Variants in GALNT14 observed in about 807,000 individuals in gnomAD.
GALNT14 encodes UDP-GalNAc:polypeptide N-acetylgalactosaminyltransferase 14.
GALNT14 carries 60 observed loss-of-function variants against 77.5 expected under a neutral mutation model. That is an observed-to-expected ratio of 0.77 (90% CI 0.63 to 0.96). GALNT14 has a LOEUF of 0.96. Ranked by LOEUF, GALNT14 falls within the 40% of genes least tolerant of loss-of-function variation. The pLI, the probability that GALNT14 is intolerant of heterozygous loss-of-function variation, is 0.00. For missense variants in GALNT14, 710 were observed against 731.0 expected, an observed-to-expected ratio of 0.97 and a Z score of 0.33; for synonymous variants, 280 against 281.7, an observed-to-expected ratio of 0.99 and a Z score of 0.06.
At chr2:30,887,497 C>G in the GALNT14 span, among the ~76,000 whole-genome samples, 2 of 152,022 alleles carry the variant, frequency 1.3e-5, no homozygotes, top group Non-Finnish European at 2.9e-5. Flanking sequence ...TTTCCATGTG[C>G]TTTTTGGCCA....
chr2:30,904,568 G>A, the GALNT14 span, among the ~76,000 whole-genome samples: 24 of 152,202 alleles, frequency 1.6e-4, no homozygotes, highest in Admixed American at 1.0e-3. Flanking sequence ...CTATGCCCAC[G>A]GAGTCTCGCT....
At chr2:31,105,721 T>C (rs78216223) in intron 1 of GALNT14, among the ~76,000 whole-genome samples, 3,746 of 150,820 alleles carry the variant, frequency 0.025, 78 homozygotes, top group Non-Finnish European at 0.044. Flanking sequence ...CAAGACCCTG[T>C]CTCAAAAAAA....
chr2:31,130,995 C>T (rs1276397677), intron 1 of GALNT14, among the ~76,000 whole-genome samples: 1 of 152,140 alleles, frequency 6.6e-6, no homozygotes. Flanking sequence ...TCTCACTTCA[C>T]AGTTATTCAT....
chr2:30,966,228 G>C lies in GALNT14; in HGVS notation c.374C>G (p.Ser125Cys). Reference protein sequence around the residue: ...IIITFHNEARSTLLRTIRSVL... With the variant: ...IIITFHNEARCTLLRTIRSVL... ...CCTGCGGATGGTCCTGAGCAGCGTG[G>C]AGCGGGCCTCGTTGTGGAAGGTGAT... Residue 125 changes from serine (S) to cysteine (C), a missense_variant, in exon 3 of 15, where the codon TCC (serine) becomes TGC (cysteine). Coordinates refer to ENST00000349752, the MANE Select transcript of GALNT14 (RefSeq NM_024572.4). The C allele has an allele frequency of 6.2e-7, 1 of 1,614,058 alleles. No individual in the cohort carries two copies. The highest frequency in any genetic ancestry group is 8.5e-7 in the Non-Finnish European group (1 of 1,179,934).
chr2:31,026,865 C>T (rs1362668062), intron 1 of GALNT14, among the ~76,000 whole-genome samples: 1 of 152,220 alleles, frequency 6.6e-6, no homozygotes, highest in African/African-American at 2.4e-5. Context: ...CCCAGGGCTG[C>T]CCACTTTTTT....
chr2:31,083,632 T>C (rs1053319266), intron 1 of GALNT14, among the ~76,000 whole-genome samples: 2 of 152,174 alleles, frequency 1.3e-5, no homozygotes, highest in African/African-American at 2.4e-5. Flanking sequence ...ACTCAATCTA[T>C]ATGCACAGTA....
chr2:30,978,981 A>C (rs1194859258), intron 2 of GALNT14, among the ~76,000 whole-genome samples: 1 of 152,216 alleles, frequency 6.6e-6, no homozygotes, highest in African/African-American at 2.4e-5. Flanking sequence ...CCCAAAACAC[A>C]AAAGGGCATC....
At chr2:31,041,175 C>T (rs1166980307) in intron 1 of GALNT14, among the ~76,000 whole-genome samples, 1 of 152,118 alleles carries the variant, frequency 6.6e-6, no homozygotes, top group Non-Finnish European at 1.5e-5. Context: ...GAAGCACTCA[C>T]TGCAGATGCT....
chr2:31,130,780 GTGTGCGCGCGCA>G (rs1392185714), intron 1 of GALNT14, among the ~76,000 whole-genome samples: 26 of 137,620 alleles, frequency 1.9e-4, no homozygotes, highest in African/African-American at 7.6e-4. Flanking sequence ...GTGTGTGTGT[GTGTGCGCGCGCA>G]CCTGTGTGTG....
intron 1 of GALNT14, among the ~76,000 whole-genome samples, chr2:31,120,983 A>G (rs1011719034): frequency 1.3e-5 from 2 of 152,354 alleles, no homozygotes; most frequent in Non-Finnish European, 2.9e-5. Flanking sequence ...GGTGCAGTGG[A>G]TCAGCACACA....
At chr2:30,931,248 C>T (rs1340246120) in intron 10 of GALNT14, among the ~76,000 whole-genome samples, 1 of 152,084 alleles carries the variant, frequency 6.6e-6, no homozygotes, top group East Asian at 1.9e-4. Flanking sequence ...GATGACACAG[C>T]TCCCCCTACC....
In GALNT14 at chr2:30,924,114, T is replaced by C; in HGVS notation, c.1380+5A>G. 1 of 1,614,230 alleles carries C rather than the reference T, an allele frequency of 6.2e-7. No homozygotes were observed. On this transcript the variant is annotated splice_donor_5th_base_variant and intron_variant, in intron 13 of 14. Transcript: ENST00000349752. The stretch of plus-strand genomic sequence containing the variant: ...TGGTCCTGTATGCCCAGCCAGTTAC[T>C]TTACCTGGGACTTTGCATCTTCGCC...
intron 11 of GALNT14, among the ~76,000 whole-genome samples, chr2:30,925,185 T>C (rs1177939806): frequency 6.6e-6 from 1 of 152,202 alleles, no homozygotes; most frequent in Non-Finnish European, 1.5e-5. Context: ...TATTCACAAT[T>C]TCTCTTTGGA....
intron 2 of GALNT14, among the ~76,000 whole-genome samples, chr2:30,987,655 G>T (rs1474595668): frequency 6.6e-6 from 1 of 152,130 alleles, no homozygotes; most frequent in African/African-American, 2.4e-5. Flanking sequence ...TGCATCTGGG[G>T]ATTCAATCAG....
At chr2:30,928,907 G>A (rs547961214) in intron 11 of GALNT14, among the ~76,000 whole-genome samples, 9 of 152,268 alleles carry the variant, frequency 5.9e-5, no homozygotes, top group Middle Eastern at 3.4e-3. Flanking sequence ...GAGCCACCAC[G>A]CCAAGCCTGG....
At chr2:31,047,293 G>C (rs1388078498) in intron 1 of GALNT14, among the ~76,000 whole-genome samples, 2 of 152,216 alleles carry the variant, frequency 1.3e-5, no homozygotes, top group African/African-American at 4.8e-5. Context: ...ATATCTGCGA[G>C]TGGACTGTTT....
At chr2:31,024,742 G>T (rs1265439864) in intron 1 of GALNT14, among the ~76,000 whole-genome samples, 1 of 152,208 alleles carries the variant, frequency 6.6e-6, no homozygotes, top group Non-Finnish European at 1.5e-5. Flanking sequence ...CTAACACCCA[G>T]TCCAGACCCT....
At chr2:31,077,318 T>C (rs998894765) in intron 1 of GALNT14, among the ~76,000 whole-genome samples, 4 of 152,204 alleles carry the variant, frequency 2.6e-5, no homozygotes, top group African/African-American at 9.6e-5. Context: ...TTTACCTACA[T>C]TCCTCAAGGA....
At chr2:30,916,891 A>G (rs1664713576) in intron 13 of GALNT14, among the ~76,000 whole-genome samples, 1 of 151,962 alleles carries the variant, frequency 6.6e-6, no homozygotes, top group Admixed American at 6.5e-5. Context: ...AGCCTGGCCA[A>G]TATGGTGAAA....
Sources: allele counts gnomAD v4.1 joint callset (sites outside exome capture counted in the v4.1 genomes callset), GRCh38; gene constraint gnomAD v4.1.1; transcripts MANE v1.5; gene names NCBI Gene and HGNC (gene_info 2026-07-23, HGNC 2026-07-21).